The following ENTPD3 variants were observed in gnomAD, a reference collection of about 807,000 sequenced individuals.
ENTPD3 encodes CD39 antigen-like 3.
A neutral mutation model predicts 51.2 loss-of-function variants in ENTPD3; 60 were observed. The ratio of observed to expected loss-of-function variants is 1.17; its 90% CI spans 0.95 to 1.45. ENTPD3 has a LOEUF of 1.45. ENTPD3 is among the 40% of genes most tolerant of loss of function. The probability of loss-of-function intolerance (pLI) is 0.00; values close to 1 mark genes in which losing one functional copy is unlikely to be tolerated. For missense variants in ENTPD3, 593 were observed against 641.1 expected (o/e 0.93, Z 0.81); for synonymous variants, 221 against 238.4 (o/e 0.93, Z 0.67).
intron 5 of ENTPD3, among the ~76,000 whole-genome samples, chr3:40,414,265 G>C (rs189983097): frequency 6.6e-6 from 1 of 152,052 alleles, no homozygotes; most frequent in African/African-American, 2.4e-5. Flanking sequence ...CTCCCTTTCC[G>C]TCTGGTCAGA....
At chr3:40,424,879 C>T in intron 10 of ENTPD3, 1 of 671,808 alleles carries the variant, frequency 1.5e-6, no homozygotes, top group South Asian at 1.5e-5. Flanking sequence ...TGACTATCTA[C>T]TTTTACATAA....
At chr3:40,406,705 G>C (rs1017378962) in intron 4 of ENTPD3, among the ~76,000 whole-genome samples, 19 of 152,142 alleles carry the variant, frequency 1.2e-4, no homozygotes, top group Admixed American at 1.1e-3. Context: ...GGTCCGTGGT[G>C]CTACTAGCAT....
chr3:40,391,573 G>A, intron 2 of ENTPD3: 1 of 164,056 alleles, frequency 6.1e-6, no homozygotes, highest in South Asian at 1.6e-4. Flanking sequence ...CTATTCAGGA[G>A]GCAGAGGCAG....
At position 40,423,981 on chromosome 3, in the gene ENTPD3, C is replaced by A; in HGVS notation, c.1353+18C>A. 1 of 1,613,946 alleles carries A rather than the reference C, an allele frequency of 6.2e-7. No individual in the cohort carries two copies. The highest frequency in any genetic ancestry group is 1.3e-5 in the African/African-American group (1 of 75,048). Reference sequence around the variant, plus strand: ...AAAAAGAAGTAAGTTAAGCACAAATCATTTTCTCTTCTTCTTCCCAACAGA... The same window carrying A: ...AAAAAGAAGTAAGTTAAGCACAAATAATTTTCTCTTCTTCTTCCCAACAGA... On this transcript the variant is annotated intron_variant, in intron 10 of 10. Transcript: ENST00000301825.
chr3:40,390,386 C>T (rs1004929624), intron 2 of ENTPD3, among the ~76,000 whole-genome samples: 5 of 152,026 alleles, frequency 3.3e-5, no homozygotes, highest in Admixed American at 1.3e-4. Flanking sequence ...TTTGTAGAGA[C>T]GGGGTCTCAC....
intron 7 of ENTPD3, among the ~76,000 whole-genome samples, chr3:40,416,421 C>T (rs551766142): frequency 6.6e-6 from 1 of 152,228 alleles, no homozygotes; most frequent in African/African-American, 2.4e-5. Flanking sequence ...TGAGACTCCC[C>T]TGGGTGTAGA....
At position 40,420,885 on chromosome 3, in the gene ENTPD3, T is replaced by C. The variant is rs186606260; in HGVS notation, c.832-1965T>C. On this transcript the variant is annotated intron_variant, in intron 7 of 10. Coordinates refer to ENST00000301825, the MANE Select transcript of ENTPD3 (RefSeq NM_001248.4). ...TTTACTGTAGGGTGGCCAGGTGCAG[T>C]GGCTCACACCTGTAATCCTAGCACT... 3.0e-3 allele frequency among the ~76,000 whole-genome samples: 454 copies of C among 152,182 alleles called. 1 individual carries two copies. Among genetic ancestry groups the C allele is most frequent in the Middle Eastern group, 0.01 (3 of 294 alleles).
intron 3 of ENTPD3, 98 bp downstream of exon 3, chr3:40,392,248 TTCCCCCCA>T: frequency 7.0e-7 from 1 of 1,437,762 alleles, no homozygotes; most frequent in South Asian, 1.3e-5. Context: ...AGAAAATCCT[TTCCCCCCA>T]TCTCTGGCTG....
chr3:40,414,959 T>C, intron 6 of ENTPD3, 119 bp downstream of exon 6: 1 of 1,000,898 alleles, frequency 1.0e-6, no homozygotes, highest in Non-Finnish European at 1.5e-6. Context: ...TCCTACCATG[T>C]AACGCATTAG....
chr3:40,397,119 C>CTTTCTTTTT (rs1955222023), intron 3 of ENTPD3, among the ~76,000 whole-genome samples: 1 of 101,244 alleles, frequency 9.9e-6, no homozygotes, highest in Non-Finnish European at 1.8e-5. Context: ...TAATTAGTTT[C>CTTTCTTTTT]TTTTTTTTTT....
intron 5 of ENTPD3, among the ~76,000 whole-genome samples, chr3:40,413,363 T>C (rs1448744429): frequency 6.6e-6 from 1 of 152,164 alleles, no homozygotes; most frequent in Non-Finnish European, 1.5e-5. Flanking sequence ...ATACCAACAA[T>C]ATGAATGTGA....
chr3:40,427,463 G>C lies in ENTPD3; in HGVS notation c.1545G>C (p.Lys515Asn), dbSNP rs1559521012. 1.2e-6 allele frequency: 2 copies of C among 1,613,322 alleles called. No homozygotes were observed. The highest frequency in any genetic ancestry group is 1.7e-6 in the Non-Finnish European group (2 of 1,180,042). Reference sequence around the variant, plus strand: ...ACCTGTGTTCAGCAACCAGAAGAAAGAGGCACTCCGAGCATGCCTTTGACC... The same window carrying C: ...ACCTGTGTTCAGCAACCAGAAGAAACAGGCACTCCGAGCATGCCTTTGACC... Reference protein sequence around the residue: ...LAYLCSATRRKRHSEHAFDHA... With the variant: ...LAYLCSATRRNRHSEHAFDHA... Residue 515 changes from lysine to asparagine, a missense_variant, in exon 11 of 11, where the codon AAG becomes AAC. Coordinates refer to ENST00000301825, the MANE Select transcript of ENTPD3 (RefSeq NM_001248.4).
chr3:40,392,347 GGGTA>G, intron 3 of ENTPD3, 197 bp downstream of exon 3: 1 of 611,106 alleles, frequency 1.6e-6, no homozygotes, highest in South Asian at 2.2e-5. Flanking sequence ...TACAAATTGA[GGGTA>G]GTGACTGACA....
intron 10 of ENTPD3, among the ~76,000 whole-genome samples, chr3:40,426,270 G>T (rs6767610): frequency 1.3e-5 from 2 of 151,628 alleles, no homozygotes; most frequent in African/African-American, 4.9e-5. Flanking sequence ...CATCATGCCT[G>T]GCTAATTTTT....
intron 7 of ENTPD3, among the ~76,000 whole-genome samples, chr3:40,416,339 T>G (rs1256975477): frequency 6.6e-6 from 1 of 152,176 alleles, no homozygotes; most frequent in Non-Finnish European, 1.5e-5. Context: ...GTTTTGTAAA[T>G]GACTCAAGAC....
intron 7 of ENTPD3, among the ~76,000 whole-genome samples, chr3:40,416,320 G>C (rs1451533233): frequency 6.6e-6 from 1 of 152,160 alleles, no homozygotes; most frequent in African/African-American, 2.4e-5. Flanking sequence ...AAGTTCCAGA[G>C]CTTCAGTTGT....
rs747378414 is a variant in ENTPD3, at chr3:40,401,021, G to A, written c.286+10G>A. Reference sequence around the variant, plus strand: ...AAATGTAGTGTGAAAGGTAAGGACTGAAGTGTGTCTGGGAGTCACAATGGG... The same window carrying A: ...AAATGTAGTGTGAAAGGTAAGGACTAAAGTGTGTCTGGGAGTCACAATGGG... On this transcript the variant is annotated intron_variant, in intron 4 of 10. Transcript: ENST00000301825. 6.3e-7 allele frequency: 1 copy of A among 1,599,748 alleles called. No individual in the cohort carries two copies. Among genetic ancestry groups the A allele is most frequent in the Non-Finnish European group, 8.6e-7 (1 of 1,166,904 alleles).
intron 7 of ENTPD3, among the ~76,000 whole-genome samples, chr3:40,417,308 T>C (rs1038217261): frequency 6.6e-6 from 1 of 152,238 alleles, no homozygotes; most frequent in Non-Finnish European, 1.5e-5. Context: ...AATTGGTTCA[T>C]GGTTCTGTGA....
intron 6 of ENTPD3, 128 bp from the exon 7 acceptor site, chr3:40,415,712 G>T: frequency 1.5e-6 from 1 of 666,940 alleles, no homozygotes; most frequent in Non-Finnish European, 2.6e-6. Flanking sequence ...GAAAAGGAAA[G>T]AATTGGCCTC....
Sources: gnomAD v4.1 joint callset for allele counts (sites outside exome capture counted in the v4.1 genomes callset) on GRCh38, gnomAD v4.1.1 for gene constraint, MANE v1.5 for transcripts, NCBI Gene and HGNC (gene_info 2026-07-23, HGNC 2026-07-21) for gene names.